Variants in ATAD2B observed in about 807,000 individuals in gnomAD.
ATAD2B encodes ATPase family AAA domain-containing protein 2B.
Under a neutral mutation model 167.6 loss-of-function variants are expected in ATAD2B, and 40 were observed. That is an observed-to-expected ratio of 0.24 (90% confidence interval 0.19 to 0.31). The LOEUF (loss-of-function observed/expected upper bound fraction) is 0.31, where lower values mean the gene tolerates loss of function less well. Ranked by LOEUF, ATAD2B falls within the 10% of genes least tolerant of loss-of-function variation. ATAD2B has a pLI of 1.00. For synonymous variants in ATAD2B, 579 were observed against 596.5 expected, an observed-to-expected ratio of 0.97 and a Z score of 0.43; for missense variants, 1,242 against 1,757.2, an observed-to-expected ratio of 0.71 and a Z score of 5.24.
At chr2:23,892,478 T>TC (rs1378731224) in intron 2 of ATAD2B, among the ~76,000 whole-genome samples, 4 of 151,108 alleles carry the variant, frequency 2.6e-5, no homozygotes, top group Admixed American at 6.6e-5. Flanking sequence ...CTTTTCTTTT[T>TC]TTTTTTTTTT....
the ATAD2B span, among the ~76,000 whole-genome samples, chr2:23,701,191 T>TCTCCTTTAGCGCCAGC: frequency 7.9e-4 from 10 of 12,714 alleles, 1 homozygote; most frequent in Admixed American, 0.014. Context: ...CCTTGGCAAC[T>TCTCCTTTAGCGCCAGC]ATCTCAATGA....
chr2:23,910,967 C>G (rs1193330633), intron 1 of ATAD2B, among the ~76,000 whole-genome samples: 1 of 152,092 alleles, frequency 6.6e-6, no homozygotes, highest in African/African-American at 2.4e-5. Flanking sequence ...CAGCTCACAC[C>G]TGTAATCCCA....
chr2:23,802,345 C>G (rs1330242820), intron 18 of ATAD2B, among the ~76,000 whole-genome samples: 1 of 151,814 alleles, frequency 6.6e-6, no homozygotes, highest in Admixed American at 6.6e-5. Flanking sequence ...TATTTATATT[C>G]CCTTCATATA....
At chr2:23,807,446 C>A (rs759593938) in intron 18 of ATAD2B, among the ~76,000 whole-genome samples, 3 of 152,150 alleles carry the variant, frequency 2.0e-5, no homozygotes, top group Non-Finnish European at 4.4e-5. Context: ...AAACAAAATT[C>A]TTCGCTTTTG....
intron 17 of ATAD2B, 94 bp from the exon 18 acceptor site, chr2:23,810,596 A>G (rs375784066): frequency 1.1e-6 from 1 of 949,424 alleles, no homozygotes. Flanking sequence ...AAACAATTTA[A>G]CTCCAAATTA....
chr2:23,906,365 T>C (rs529281570), intron 1 of ATAD2B, among the ~76,000 whole-genome samples: 1 of 152,210 alleles, frequency 6.6e-6, no homozygotes, highest in South Asian at 2.1e-4. Flanking sequence ...GGTCATTTTC[T>C]GCTACACTAT....
chr2:23,731,064 C>G, the ATAD2B span, among the ~76,000 whole-genome samples: 2 of 118,810 alleles, frequency 1.7e-5, no homozygotes, highest in African/African-American at 5.8e-5. Flanking sequence ...TTTGAAAAGA[C>G]TCTGACAGGA....
chr2:23,699,083 C>T, the ATAD2B span, among the ~76,000 whole-genome samples: 1 of 152,164 alleles, frequency 6.6e-6, no homozygotes, highest in Non-Finnish European at 1.5e-5. Flanking sequence ...TTGAATCTGC[C>T]CCGCTGCTGC....
intron 22 of ATAD2B, among the ~76,000 whole-genome samples, chr2:23,780,280 T>C (rs1679819549): frequency 6.6e-6 from 1 of 150,606 alleles, no homozygotes; most frequent in Non-Finnish European, 1.5e-5. Flanking sequence ...TGTGTGTGTG[T>C]GTGTGTGTGT....
At chr2:23,696,799 A>C in the ATAD2B span, 1 of 341,214 alleles carries the variant, frequency 2.9e-6, no homozygotes, top group African/African-American at 2.2e-5. This position sits in a 1 kb window ranked among gnomAD's most constrained non-coding sequence, Gnocchi z 5.5. Context: ...TGGAGGCCCA[A>C]GATCCAGTTG....
At chr2:23,744,277 G>C (rs77863135), downstream of ATAD2B, among the ~76,000 whole-genome samples, 1,089 of 150,106 alleles carry the variant, frequency 7.3e-3, 19 homozygotes, top group African/African-American at 0.025. Context: ...TTGGCTCCTG[G>C]GAGAATTTTT....
intron 14 of ATAD2B, among the ~76,000 whole-genome samples, chr2:23,830,214 C>A (rs1688834229): frequency 6.6e-6 from 1 of 152,116 alleles, no homozygotes. Flanking sequence ...GAACTCCCGA[C>A]CTCAACTGTT....
Position 23,903,237 on chromosome 2 carries a change from A to AAAATAAATAAATAAATAAATAAAT in ATAD2B, c.217-7291_217-7268dup, listed in dbSNP as rs3029919. ...GGCAACAGAGCAAGACTGTGTCTCAAAAATAAATAAATAAATAAATAAATA... is the reference window on the plus strand; with the variant it reads ...GGCAACAGAGCAAGACTGTGTCTCAAAAATAAATAAATAAATAAATAAATAAATAAATAAATAAATAAATAAATA... On this transcript the variant is annotated intron_variant, in intron 1 of 27. Transcript: ENST00000238789. Among the ~76,000 whole-genome samples the AAAATAAATAAATAAATAAATAAAT allele has an allele frequency of 1.3e-3, 195 of 145,646 alleles. 3 individuals carry two copies. The highest frequency in any genetic ancestry group is 3.5e-3 in the Middle Eastern group (1 of 284).
At chr2:23,839,174 T>C (rs1005041290) in intron 13 of ATAD2B, among the ~76,000 whole-genome samples, 1 of 152,136 alleles carries the variant, frequency 6.6e-6, no homozygotes, top group African/African-American at 2.4e-5. Context: ...CATACATAAT[T>C]GCATCATCTA....
At chr2:23,711,342 C>CTTTTTTTTTTTTTTTTTTTTTTTTTTTT in the ATAD2B span, among the ~76,000 whole-genome samples, 1 of 79,784 alleles carries the variant, frequency 1.3e-5, no homozygotes, top group African/African-American at 4.9e-5. Context: ...GAATTTCTTT[C>CTTTTTTTTTTTTTTTTTTTTTTTTTTTT]TTTTTTTTTT....
chr2:23,896,805 T>C (rs1037970809), intron 1 of ATAD2B, among the ~76,000 whole-genome samples: 1 of 152,220 alleles, frequency 6.6e-6, no homozygotes, highest in Admixed American at 6.5e-5. Context: ...TCAATCAGTC[T>C]TTCCTTCTTT....
intron 1 of ATAD2B, among the ~76,000 whole-genome samples, chr2:23,905,113 A>G (rs557152665): frequency 2.0e-5 from 3 of 152,334 alleles, no homozygotes; most frequent in African/African-American, 7.2e-5. Context: ...AAAAAAGTCT[A>G]TAATAATTTA....
chr2:23,746,807 A>G (rs142248353), downstream of ATAD2B, among the ~76,000 whole-genome samples: 1 of 152,306 alleles, frequency 6.6e-6, no homozygotes, highest in African/African-American at 2.4e-5. Context: ...CAAATTTTTA[A>G]TAACAAAATG....
At chr2:23,869,828 A>G (rs928376240) in intron 8 of ATAD2B, 67 bp from the exon 9 acceptor site, 16 of 965,150 alleles carry the variant, frequency 1.7e-5, no homozygotes, top group Non-Finnish European at 2.0e-5. Flanking sequence ...ACACACTGTA[A>G]TATCTACAAT....
Sources: allele counts gnomAD v4.1 joint callset (sites outside exome capture counted in the v4.1 genomes callset), GRCh38; gene constraint gnomAD v4.1.1; non-coding constraint Gnocchi (gnomAD v3.1); transcripts MANE v1.5; gene names NCBI Gene and HGNC (gene_info 2026-07-23, HGNC 2026-07-21).